SLC15A4: variants seen among roughly 807,000 people sequenced by gnomAD.
The protein encoded by SLC15A4 is hPHT1.
In SLC15A4, 26 loss-of-function variants were observed where a neutral mutation model predicts 46.1. The observed-to-expected ratio is 0.56, with a 90% CI of 0.41 to 0.78. SLC15A4 has a LOEUF of 0.78. Among genes scored for constraint, SLC15A4 ranks in the 30% least tolerant of loss-of-function variants. The probability of loss-of-function intolerance (pLI) is 0.00; values close to 1 mark genes in which losing one functional copy is unlikely to be tolerated. For missense variants in SLC15A4, 751 were observed against 755.7 expected, an observed-to-expected ratio of 0.99 and a Z score of 0.07; for synonymous variants, 370 against 333.4, an observed-to-expected ratio of 1.11 and a Z score of -1.20.
intron 4 of SLC15A4, 104 bp from the exon 5 acceptor site, chr12:128,809,060 C>A (rs1476706226): frequency 2.8e-5 from 30 of 1,077,100 alleles, no homozygotes; most frequent in Non-Finnish European, 3.8e-5. Context: ...AAGAACAGTT[C>A]CTCTCCACAA....
chr12:128,820,917 G>C (rs1955826148), intron 1 of SLC15A4, among the ~76,000 whole-genome samples: 1 of 152,202 alleles, frequency 6.6e-6, no homozygotes, highest in Non-Finnish European at 1.5e-5. Context: ...GTGGGGCCTA[G>C]TGTTTGGGTC....
intron 5 of SLC15A4, among the ~76,000 whole-genome samples, chr12:128,802,543 C>A (rs537354096): frequency 3.3e-5 from 5 of 152,188 alleles, no homozygotes; most frequent in Non-Finnish European, 5.9e-5. Flanking sequence ...TTCTCCTTCA[C>A]AGGAGAGGAG....
Position 128,823,449 on chromosome 12 carries a change from G to A in SLC15A4, c.495C>T (p.Gly165=), listed in dbSNP as rs1211523752. 6.8e-7 allele frequency: 1 copy of A among 1,473,514 alleles called. No individual in the cohort carries two copies. Among genetic ancestry groups the A allele is most frequent in the Admixed American group, 2.4e-5 (1 of 42,260 alleles). The allele number at this position is 1,473,514 out of a possible 1,614,324, so 91.3% of individuals were successfully genotyped here. The change falls in exon 1 of 8, where the codon GGC becomes GGT. Residue 165 remains glycine (G), a synonymous_variant. Transcript: ENST00000266771. ...TGGCCTTGACGGTGGCCACGCCCAG[G>A]CCCACCAGCACCAGCCCCGCGAAGG... The part of the protein sequence containing the change: ...PATFAGLVLV[G]LGVATVKANI...
chr12:128,823,053 G>T (rs1192741928), intron 1 of SLC15A4, among the ~76,000 whole-genome samples: 4 of 151,680 alleles, frequency 2.6e-5, no homozygotes, highest in Non-Finnish European at 1.5e-5. Context: ...GCCCAACCTG[G>T]TCTCAAAGTC....
intron 7 of SLC15A4, 91 bp from the exon 8 acceptor site, chr12:128,794,447 T>C: frequency 7.9e-7 from 1 of 1,265,078 alleles, no homozygotes; most frequent in Non-Finnish European, 1.1e-6. Flanking sequence ...CCCACTAAGG[T>C]TTAACTGGAG....
chr12:128,822,428 G>A (rs1955858319), intron 1 of SLC15A4, among the ~76,000 whole-genome samples: 2 of 152,194 alleles, frequency 1.3e-5, no homozygotes, highest in African/African-American at 4.8e-5. Context: ...CTGGCCCAGG[G>A]CCCTGCACCT....
intron 1 of SLC15A4, among the ~76,000 whole-genome samples, chr12:128,818,630 C>T (rs958978887): frequency 6.6e-6 from 1 of 152,208 alleles, no homozygotes; most frequent in Non-Finnish European, 1.5e-5. Context: ...CACTATGATT[C>T]ACATACCATA....
intron 7 of SLC15A4, among the ~76,000 whole-genome samples, chr12:128,797,530 T>C (rs1406694806): frequency 6.6e-6 from 1 of 152,188 alleles, no homozygotes; most frequent in East Asian, 1.9e-4. Context: ...CCAGCTTAAA[T>C]AACACTAATA....
Position 128,799,401 on chromosome 12 carries a change from G to C in SLC15A4, c.1431C>G (p.Tyr477Ter), listed in dbSNP as rs770007941. The change falls in exon 7 of 8, where the codon TAC (tyrosine) becomes TAG (stop). Residue 477 changes from tyrosine (Y) to a stop codon, truncating the protein, a stop_gained. Transcript: ENST00000266771. LOFTEE classifies it high-confidence loss of function. ...TCTGCATGGACTTGGGGGCAGCTGAGTATGCAAATTCCAGGCCTGAGGAAA... is the reference window on the plus strand; with the variant it reads ...TCTGCATGGACTTGGGGGCAGCTGACTATGCAAATTCCAGGCCTGAGGAAA... ...FASIAGLEFA[Y>*]SAAPKSMQSA... The C allele has an allele frequency of 1.2e-6, 2 of 1,614,156 alleles. No individual in the cohort carries two copies. The highest frequency in any genetic ancestry group is 1.7e-6 in the Non-Finnish European group (2 of 1,180,026).
chr12:128,816,501 T>C (rs1333849661), intron 1 of SLC15A4, among the ~76,000 whole-genome samples: 1 of 152,178 alleles, frequency 6.6e-6, no homozygotes, highest in African/African-American at 2.4e-5. Context: ...TAGAACAATC[T>C]GCTCTACTGA....
intron 6 of SLC15A4, 44 bp downstream of exon 6, chr12:128,800,810 G>A (rs757285656): frequency 6.4e-7 from 1 of 1,571,508 alleles, no homozygotes. Context: ...GAGCGCTCAC[G>A]CTTGTGCCTG....
chr12:128,806,582 G>C (rs1433624097), intron 5 of SLC15A4, among the ~76,000 whole-genome samples: 1 of 152,140 alleles, frequency 6.6e-6, no homozygotes, highest in Non-Finnish European at 1.5e-5. Flanking sequence ...ACATGGGCAG[G>C]TGTTTTATTA....
intron 7 of SLC15A4, among the ~76,000 whole-genome samples, chr12:128,795,295 C>A (rs1346010146): frequency 6.6e-6 from 1 of 152,134 alleles, no homozygotes; most frequent in Non-Finnish European, 1.5e-5. Flanking sequence ...CTCAAACTGA[C>A]ACAAGCAGAT....
chr12:128,815,288 C>T (rs1409600499), intron 1 of SLC15A4: 13 of 238,274 alleles, frequency 5.5e-5, no homozygotes, highest in Non-Finnish European at 9.2e-5. Context: ...CACTTAATTA[C>T]ACTAAATTCC....
chr12:128,819,363 G>A (rs368294465), intron 1 of SLC15A4, among the ~76,000 whole-genome samples: 295 of 152,164 alleles, frequency 1.9e-3, no homozygotes, highest in Non-Finnish European at 2.4e-3. Context: ...AGATCATACC[G>A]CTGCACCCCA....
chr12:128,799,529 C>T, intron 6 of SLC15A4, 112 bp from the exon 7 acceptor site: 1 of 1,144,702 alleles, frequency 8.7e-7, no homozygotes, highest in Non-Finnish European at 1.2e-6. Flanking sequence ...GGGACTGAGT[C>T]CTGCAGACAG....
At chr12:128,800,759 T>G (rs974618699) in intron 6 of SLC15A4, 95 bp downstream of exon 6, 1 of 1,325,976 alleles carries the variant, frequency 7.5e-7, no homozygotes, top group Admixed American at 2.7e-5. Flanking sequence ...TGCTGTGCTA[T>G]CCTTGTCTCA....
intron 3 of SLC15A4, chr12:128,809,737 T>C (rs1955632554): frequency 1.8e-6 from 1 of 554,252 alleles, no homozygotes; most frequent in Non-Finnish European, 3.1e-6. Context: ...AGCGTACCTG[T>C]TCTCAGCTTC....
At chr12:128,809,889 G>T in intron 3 of SLC15A4, 54 bp downstream of exon 3, 1 of 1,557,280 alleles carries the variant, frequency 6.4e-7, no homozygotes, top group South Asian at 1.2e-5. Flanking sequence ...ACAAGTGCTA[G>T]GGTAAGACTT....
Sources: gnomAD v4.1 joint callset for allele counts (sites outside exome capture counted in the v4.1 genomes callset) on GRCh38, gnomAD v4.1.1 for gene constraint, MANE v1.5 for transcripts, NCBI Gene and HGNC (gene_info 2026-07-23, HGNC 2026-07-21) for gene names.